SOX6: variants seen among roughly 807,000 people sequenced by gnomAD.
The protein encoded by SOX6 is SRY-box transcription factor 6.
Under a neutral mutation model 97.8 loss-of-function variants are expected in SOX6, and 11 were observed. That is an observed-to-expected ratio of 0.11 (90% CI 0.07 to 0.19). The LOEUF is 0.19. SOX6 is among the 10% of genes least tolerant of loss of function. The pLI is 1.00. For missense variants in SOX6, 810 were observed against 1,039.5 expected, an observed-to-expected ratio of 0.78 and a Z score of 3.04; for synonymous variants, 360 against 371.4, an observed-to-expected ratio of 0.97 and a Z score of 0.35.
At chr11:16,680,052 G>A (rs1054788287) in intron 3 of SOX6, among the ~76,000 whole-genome samples, 2 of 152,114 alleles carry the variant, frequency 1.3e-5, no homozygotes, top group Admixed American at 6.6e-5. Context: ...TATTATCCAG[G>A]AGAACTTCCC....
At chr11:16,651,784 C>T (rs758555382) in intron 3 of SOX6, among the ~76,000 whole-genome samples, 6 of 151,994 alleles carry the variant, frequency 3.9e-5, no homozygotes, top group Admixed American at 2.0e-4. Context: ...AGCAATCAGA[C>T]AAGAGAAAGA....
chr11:16,352,869 T>C (rs1294162160), intron 1 of SOX6, among the ~76,000 whole-genome samples: 6 of 152,014 alleles, frequency 3.9e-5, no homozygotes, highest in Non-Finnish European at 7.4e-5. Context: ...CTCTAACCAA[T>C]CCTTTTAACT....
chr11:16,395,594 T>C (rs1006161059), intron 1 of SOX6, among the ~76,000 whole-genome samples: 1 of 151,600 alleles, frequency 6.6e-6, no homozygotes, highest in African/African-American at 2.4e-5. Flanking sequence ...AATAGAGGGG[T>C]CAGATTCTGT....
intron 15 of SOX6, among the ~76,000 whole-genome samples, chr11:15,979,179 G>A (rs1002299846): frequency 6.6e-6 from 1 of 150,668 alleles, no homozygotes; most frequent in African/African-American, 2.4e-5. Flanking sequence ...TCCTGTTCTT[G>A]GTTAATGATT....
chr11:16,663,019 A>T (rs1198288422), intron 3 of SOX6, among the ~76,000 whole-genome samples: 1 of 152,072 alleles, frequency 6.6e-6, no homozygotes, highest in Non-Finnish European at 1.5e-5. Context: ...AAACAAAAAT[A>T]TCCATTCCCA....
intron 6 of SOX6, among the ~76,000 whole-genome samples, chr11:16,145,446 A>T (rs1404840340): frequency 3.3e-5 from 5 of 152,234 alleles, no homozygotes; most frequent in Admixed American, 3.3e-4. Context: ...GGCACAAGAC[A>T]GGGATGCCCT....
At chr11:16,715,668 C>CAA (rs930377937) in intron 2 of SOX6, among the ~76,000 whole-genome samples, 2 of 151,478 alleles carry the variant, frequency 1.3e-5, no homozygotes, top group Non-Finnish European at 2.9e-5. Flanking sequence ...CTACTCAAAG[C>CAA]AAAAAGTACT....
intron 4 of SOX6, among the ~76,000 whole-genome samples, chr11:16,482,756 G>T (rs1860364627): frequency 1.4e-5 from 2 of 146,558 alleles, no homozygotes; most frequent in Non-Finnish European, 3.0e-5. Flanking sequence ...AGTATGTAGT[G>T]TAAGTGCCTT....
chr11:16,443,348 T>C (rs1241452542), intron 1 of SOX6, among the ~76,000 whole-genome samples: 1 of 152,200 alleles, frequency 6.6e-6, no homozygotes, highest in Non-Finnish European at 1.5e-5. Context: ...CAAACATGTC[T>C]ATATGGAACA....
At chr11:16,725,847 A>T (rs946975271) in intron 2 of SOX6, among the ~76,000 whole-genome samples, 1 of 152,198 alleles carries the variant, frequency 6.6e-6, no homozygotes, top group East Asian at 1.9e-4. Context: ...TGAACTTTTT[A>T]AAAAATTAGA....
At chr11:16,440,530 G>C (rs193267795) in intron 1 of SOX6, among the ~76,000 whole-genome samples, 2 of 152,262 alleles carry the variant, frequency 1.3e-5, no homozygotes, top group Admixed American at 6.5e-5. Context: ...CTGTGTATCT[G>C]AATGACAGCA....
intron 3 of SOX6, among the ~76,000 whole-genome samples, chr11:16,712,092 C>G (rs1848185749): frequency 6.6e-6 from 1 of 151,316 alleles, no homozygotes; most frequent in African/African-American, 2.4e-5. Context: ...CACACACACA[C>G]ACACACACAC....
In SOX6 at chr11:16,611,471, A is replaced by G. The variant is rs115815607; in HGVS notation, n.609+610T>C. Among the ~76,000 whole-genome samples, 477 of 152,338 alleles carry G rather than the reference A, an allele frequency of 3.1e-3. 4 individuals carry two copies. The highest frequency in any genetic ancestry group is 0.011 in the African/African-American group (450 of 41,584). ...GAACTTTTACTGAAACGAAGGATAA[A>G]TGAGAGAGTGTAAAAGCCAAAAGGG... On this transcript the variant is annotated intron_variant and non_coding_transcript_variant, in intron 4 of 5. Coordinates refer to the SOX6 transcript ENST00000524520.
chr11:16,543,217 A>C (rs978511848), intron 4 of SOX6, among the ~76,000 whole-genome samples: 2 of 152,156 alleles, frequency 1.3e-5, no homozygotes, highest in Non-Finnish European at 2.9e-5. Flanking sequence ...GAATTTAACT[A>C]AGCAAAATTA....
At chr11:16,585,754 T>A (rs927745364) in intron 4 of SOX6, among the ~76,000 whole-genome samples, 1 of 144,486 alleles carries the variant, frequency 6.9e-6, no homozygotes, top group Non-Finnish European at 1.5e-5. Context: ...GTGATCACGG[T>A]TTGCCACAGC....
chr11:16,301,803 C>A (rs1206199254), intron 3 of SOX6, among the ~76,000 whole-genome samples: 1 of 152,058 alleles, frequency 6.6e-6, no homozygotes, highest in Non-Finnish European at 1.5e-5. Context: ...AAAATTCAAT[C>A]CATAAAACGA....
chr11:16,193,996 G>T (rs1350766015), intron 4 of SOX6, among the ~76,000 whole-genome samples: 2 of 152,104 alleles, frequency 1.3e-5, no homozygotes, highest in African/African-American at 4.8e-5. Context: ...GGCCGTTTTG[G>T]ATACAGCCTT....
intron 1 of SOX6, among the ~76,000 whole-genome samples, chr11:16,393,048 T>C (rs1162885790): frequency 6.6e-6 from 1 of 152,100 alleles, no homozygotes; most frequent in Non-Finnish European, 1.5e-5. Flanking sequence ...TAGTCAACCA[T>C]AACTGCTACA....
At chr11:16,449,371 C>T (rs1470648175) in intron 1 of SOX6, among the ~76,000 whole-genome samples, 1 of 139,330 alleles carries the variant, frequency 7.2e-6, no homozygotes, top group Non-Finnish European at 1.5e-5. Flanking sequence ...CGGCTCACTG[C>T]AAGCTCCGCC....
Sources: gnomAD v4.1 joint callset for allele counts (sites outside exome capture counted in the v4.1 genomes callset) on GRCh38, gnomAD v4.1.1 for gene constraint, MANE v1.5 for transcripts, NCBI Gene and HGNC (gene_info 2026-07-23, HGNC 2026-07-21) for gene names.